The following DOCK8 variants were observed in gnomAD, a reference collection of about 807,000 sequenced individuals.
DOCK8 encodes dedicator of cytokinesis protein 8.
A neutral mutation model predicts 245.6 loss-of-function variants in DOCK8; 141 were observed. The ratio of observed to expected loss-of-function variants is 0.57; its 90% CI spans 0.50 to 0.66. DOCK8 has a LOEUF of 0.66. Ranked by LOEUF, DOCK8 falls within the 30% of genes least tolerant of loss-of-function variation. The pLI is 0.00. For synonymous variants in DOCK8, 1,168 were observed against 970.2 expected, an observed-to-expected ratio of 1.20 and a Z score of -3.79; for missense variants, 2,965 against 2,603.4, an observed-to-expected ratio of 1.14 and a Z score of -3.02.
At chr9:329,527 G>A (rs1476789409) in intron 9 of DOCK8, among the ~76,000 whole-genome samples, 1 of 152,140 alleles carries the variant, frequency 6.6e-6, no homozygotes, top group Non-Finnish European at 1.5e-5. Flanking sequence ...GCTTATAGAA[G>A]TATAGTTAAA....
chr9:295,706 G>T (rs2049234148), intron 4 of DOCK8, among the ~76,000 whole-genome samples: 1 of 152,158 alleles, frequency 6.6e-6, no homozygotes, highest in Non-Finnish European at 1.5e-5. Flanking sequence ...GTTATCTCCT[G>T]CTGATATTAC....
At chr9:299,209 C>T (rs1410875055) in intron 4 of DOCK8, among the ~76,000 whole-genome samples, 1 of 152,150 alleles carries the variant, frequency 6.6e-6, no homozygotes, top group Admixed American at 6.5e-5. Flanking sequence ...GAGTCCAAAA[C>T]AGTCACTTCA....
At position 432,083 on chromosome 9, in the gene DOCK8, G is replaced by C. The variant is rs1246573051; in HGVS notation, c.4627-83G>C. ...CAAAGGAAACACTGAGGAGTTGTTTGTGTCTGGCCATGCTGCTTTCAGTTA... is the reference window on the plus strand; with the variant it reads ...CAAAGGAAACACTGAGGAGTTGTTTCTGTCTGGCCATGCTGCTTTCAGTTA... On this transcript the variant is annotated intron_variant, in intron 36 of 47. Transcript: ENST00000432829. 7 of 1,448,982 alleles carry C rather than the reference G, an allele frequency of 4.8e-6. No homozygotes were observed. In the East Asian group the frequency reaches 1.6e-4, roughly 33 times the overall value. 89.8% of individuals were successfully genotyped at this position (1,448,982 alleles called of 1,614,324 possible).
intron 30 of DOCK8, among the ~76,000 whole-genome samples, chr9:418,673 C>G (rs1199303143): frequency 6.6e-6 from 1 of 152,194 alleles, no homozygotes; most frequent in Non-Finnish European, 1.5e-5. Flanking sequence ...CTGAGGTGCA[C>G]ACAAGTCAGA....
intron 33 of DOCK8, among the ~76,000 whole-genome samples, chr9:425,257 G>A (rs1401600519): frequency 2.0e-5 from 3 of 152,170 alleles, no homozygotes; most frequent in Non-Finnish European, 4.4e-5. Context: ...AAGGGGCCGG[G>A]CACAGTGGCT....
intron 26 of DOCK8, among the ~76,000 whole-genome samples, chr9:401,527 A>T (rs114095798): frequency 6.6e-6 from 1 of 152,154 alleles, no homozygotes; most frequent in Non-Finnish European, 1.5e-5. Flanking sequence ...CTATCTTATC[A>T]TTAGGAAACA....
At chr9:399,392 C>G (rs970600456) in intron 26 of DOCK8, 133 bp downstream of exon 26, 2 of 725,882 alleles carry the variant, frequency 2.8e-6, no homozygotes, top group South Asian at 3.0e-5. Flanking sequence ...CTGTGTTTTG[C>G]AGCACGTCCC....
intron 36 of DOCK8, 27 bp downstream of exon 36, chr9:429,881 C>G (rs765774395): frequency 6.2e-7 from 1 of 1,612,738 alleles, no homozygotes; most frequent in Non-Finnish European, 8.5e-7. Flanking sequence ...GCTGAGTGAC[C>G]TGGAATCAGT....
rs1036046353 is a variant in DOCK8, at chr9:334,254, C to G, written c.1155C>G (p.Leu385=). ...KSKEKIEKLK[L]QAESFCQRLG... is the part of the protein sequence containing the mutation. ...AAGAAAAGATTGAAAAACTAAAACTCCAAGCTGAATCCTTCTGCCAGCGTT... is the reference window on the plus strand; with the variant it reads ...AAGAAAAGATTGAAAAACTAAAACTGCAAGCTGAATCCTTCTGCCAGCGTT... The change falls in exon 11 of 48, where the codon CTC becomes CTG. Residue 385 remains leucine (L), a synonymous_variant. Coordinates refer to ENST00000432829, the MANE Select transcript of DOCK8 (RefSeq NM_203447.4). The G allele has an allele frequency of 3.1e-6, 5 of 1,614,070 alleles. No homozygotes were observed. Among genetic ancestry groups the G allele is most frequent in the African/African-American group, 2.7e-5 (2 of 74,930 alleles).
At chr9:427,717 T>C (rs1280716975) in intron 34 of DOCK8, among the ~76,000 whole-genome samples, 4 of 152,244 alleles carry the variant, frequency 2.6e-5, no homozygotes, top group Admixed American at 6.5e-5. Context: ...TCTCTAACTT[T>C]TGAATTGTCT....
chr9:355,101 G>A (rs1242337063), intron 14 of DOCK8, among the ~76,000 whole-genome samples: 1 of 152,008 alleles, frequency 6.6e-6, no homozygotes, highest in African/African-American at 2.4e-5. Context: ...GTAGGAGGGT[G>A]ACAGGGAGGG....
intron 14 of DOCK8, among the ~76,000 whole-genome samples, chr9:353,144 C>T (rs1246678377): frequency 1.3e-5 from 2 of 152,208 alleles, no homozygotes; most frequent in African/African-American, 4.8e-5. Context: ...CCATGCTGAT[C>T]TATGCAATGA....
At chr9:215,286 TC>T in intron 1 of DOCK8, 2 of 1,608,528 alleles carry the variant, frequency 1.2e-6, no homozygotes, top group Non-Finnish European at 8.5e-7. Context: ...GGGGATCCCT[TC>T]CCCGAACAAC....
rs1345687681 is a variant in DOCK8 at position 307,905 on chromosome 9, A to G, written c.528+3201A>G. Among the ~76,000 whole-genome samples, 6 of 152,348 alleles carry G rather than the reference A, an allele frequency of 3.9e-5. No individual in the cohort carries two copies. The East Asian group carries it at 9.6e-4, about 24-fold the overall frequency. The stretch of plus-strand genomic sequence containing the variant: ...AGCCATAAAAAAATGAAGTCCTGTC[A>G]TTTGCATCAACATGGATGAGTCTAG... On this transcript the variant is annotated intron_variant, in intron 5 of 47. Transcript: ENST00000432829.
chr9:424,869 T>G (rs960537561), intron 33 of DOCK8, among the ~76,000 whole-genome samples: 5 of 152,174 alleles, frequency 3.3e-5, no homozygotes, highest in African/African-American at 1.2e-4. Context: ...AAAAAACAGA[T>G]TAGGACACTC....
rs78233764 is a variant in DOCK8 at position 248,423 on chromosome 9, T to G, written c.54-23204T>G. Among the ~76,000 whole-genome samples the G allele has an allele frequency of 3.3e-3, 482 of 146,880 alleles. 3 individuals carry two copies. Among genetic ancestry groups the G allele is most frequent in the Admixed American group, 7.2e-3 (106 of 14,632 alleles). On this transcript the variant is annotated intron_variant, in intron 1 of 47. Coordinates refer to ENST00000432829, the MANE Select transcript of DOCK8 (RefSeq NM_203447.4). ...ATGTCAAGTGTTCTCTTTCTTTTATTTTTCCCTTCCTTCTGTCTTTCCCCT... is the reference window on the plus strand; with the variant it reads ...ATGTCAAGTGTTCTCTTTCTTTTATGTTTCCCTTCCTTCTGTCTTTCCCCT...
intron 7 of DOCK8, among the ~76,000 whole-genome samples, chr9:322,645 T>C (rs373682048): frequency 3.3e-5 from 5 of 152,246 alleles, no homozygotes; most frequent in African/African-American, 7.2e-5. Context: ...TAAATGTCAA[T>C]TCTCTTTTTC....
At chr9:307,577 C>T (rs911673677) in intron 5 of DOCK8, among the ~76,000 whole-genome samples, 1 of 151,818 alleles carries the variant, frequency 6.6e-6, no homozygotes, top group Non-Finnish European at 1.5e-5. Context: ...AGGCTGATCT[C>T]GAACTCCTGA....
At chr9:365,793 G>C in intron 14 of DOCK8, 1 of 384,052 alleles carries the variant, frequency 2.6e-6, no homozygotes, top group South Asian at 2.0e-5. Context: ...CTGCTTATTT[G>C]ATTGGTGGCA....
Sources: gnomAD v4.1 joint callset for allele counts (sites outside exome capture counted in the v4.1 genomes callset) on GRCh38, gnomAD v4.1.1 for gene constraint, MANE v1.5 for transcripts, NCBI Gene and HGNC (gene_info 2026-07-23, HGNC 2026-07-21) for gene names.